TMEM255A: variants seen among roughly 807,000 people sequenced by gnomAD.
TMEM255A encodes the protein transmembrane protein 255A.
A neutral mutation model predicts 23.5 loss-of-function variants in TMEM255A; 14 were observed. That is an observed-to-expected ratio of 0.60 (90% confidence interval 0.39 to 0.93). The LOEUF (loss-of-function observed/expected upper bound fraction) is 0.93, where lower values mean the gene tolerates loss of function less well. Among genes scored for constraint, TMEM255A ranks in the 40% least tolerant of loss-of-function variants. TMEM255A has a pLI of 0.00. For synonymous variants in TMEM255A, 104 were observed against 100.3 expected (o/e 1.04, Z -0.22); for missense variants, 233 against 261.7 (o/e 0.89, Z 0.76).
Position 120,297,264 on chromosome X carries a change from T to C in TMEM255A, c.202-3213A>G, listed in dbSNP as rs1485838476. Among the ~76,000 whole-genome samples the C allele has an allele frequency of 1.2e-4, 11 of 90,097 alleles. No individual in the cohort carries two copies. The Admixed American group carries it at 1.7e-3, about 14-fold the overall frequency. The allele number at this position is 90,097 out of a possible 115,157, so 78.2% of individuals were successfully genotyped here. ...CTCTGTGCTTTGGTTTCATCATCTA[T>C]AAAATGGGAATCATAATAGAGCCTG... is the stretch of plus-strand genomic sequence containing the variant. On this transcript the variant is annotated intron_variant, in intron 2 of 8. Coordinates refer to ENST00000371369, the MANE Select transcript of TMEM255A (RefSeq NM_001104544.3).
rs782405270 is a variant in TMEM255A, at chrX:120,291,078, G to A, written c.354+173C>T. Among the ~76,000 whole-genome samples, 31 of 111,422 alleles carry A rather than the reference G, an allele frequency of 2.8e-4. No homozygotes were observed. The East Asian group carries it at 7.3e-3, about 26-fold the overall frequency. On this transcript the variant is annotated intron_variant, in intron 4 of 8. Coordinates refer to ENST00000371369, the MANE Select transcript of TMEM255A (RefSeq NM_001104544.3). ...TAGACCTCATTCTCTAGATGTCCGC[G>A]TGTCCATTGGTGTCTTCACCTTGAC...
At chrX:120,285,319 G>C (rs889653283) in intron 5 of TMEM255A, 104 bp from the exon 6 acceptor site, 9 of 757,711 alleles carry the variant, frequency 1.2e-5, no homozygotes, top group Non-Finnish European at 1.6e-5. Context: ...AGTAAGGATG[G>C]CTTTGAAATG....
At chrX:120,270,139 G>T (rs111663066) in intron 7 of TMEM255A, among the ~76,000 whole-genome samples, 1,480 of 111,334 alleles carry the variant, frequency 0.013, 30 homozygotes, top group African/African-American at 0.044. Context: ...AGAGAAGGAA[G>T]AAGAGGAAAT....
At chrX:120,272,099 A>T (rs1369524591) in intron 7 of TMEM255A, among the ~76,000 whole-genome samples, 1 of 111,999 alleles carries the variant, frequency 8.9e-6, no homozygotes, top group East Asian at 2.8e-4. Flanking sequence ...AGGGTGTGGG[A>T]TGCTGGGGGT....
At chrX:120,254,893 A>G (rs781817851), downstream of TMEM255A, 36 of 1,210,604 alleles carry the variant, frequency 3.0e-5, no homozygotes, top group Non-Finnish European at 2.8e-5. Flanking sequence ...GGAAGGGTCT[A>G]TTATATCTGT....
At chrX:120,300,501 C>G (rs1556025749) in intron 2 of TMEM255A, among the ~76,000 whole-genome samples, 1 of 108,636 alleles carries the variant, frequency 9.2e-6, no homozygotes, top group African/African-American at 3.4e-5. Flanking sequence ...GATCCTTCCA[C>G]CTTAGCCTCC....
chrX:120,262,368 C>G (rs1302130580), intron 8 of TMEM255A, among the ~76,000 whole-genome samples: 1 of 111,262 alleles, frequency 9.0e-6, no homozygotes, highest in Non-Finnish European at 1.9e-5. Context: ...TCTTCCTTAC[C>G]ACATAATGTT....
intron 8 of TMEM255A, among the ~76,000 whole-genome samples, chrX:120,263,824 G>A (rs782489522): frequency 1.5e-4 from 16 of 110,030 alleles, no homozygotes; most frequent in Non-Finnish European, 2.7e-4. Context: ...GTGGCGGGGG[G>A]AAGAAAAAGT....
chrX:120,262,587 C>T (rs137989658), intron 8 of TMEM255A, among the ~76,000 whole-genome samples: 491 of 111,624 alleles, frequency 4.4e-3, no homozygotes, highest in Non-Finnish European at 8.5e-3. Context: ...TTAAAAACAT[C>T]GGTATAGTGA....
intron 7 of TMEM255A, 31 bp downstream of exon 7, chrX:120,276,854 C>T: frequency 8.3e-7 from 1 of 1,197,962 alleles, no homozygotes; most frequent in East Asian, 3.0e-5. Context: ...ACAGGGGCCA[C>T]TGTGAAATGC....
intron 1 of TMEM255A, among the ~76,000 whole-genome samples, chrX:120,310,842 T>C (rs1556028177): frequency 9.5e-6 from 1 of 104,954 alleles, no homozygotes; most frequent in African/African-American, 3.5e-5. Context: ...CTTCTAATTG[T>C]CGTTAGTCGT....
intron 6 of TMEM255A, among the ~76,000 whole-genome samples, chrX:120,279,396 A>G (rs1167697937): frequency 8.9e-6 from 1 of 112,469 alleles, no homozygotes; most frequent in Non-Finnish European, 1.9e-5. Context: ...CTGGCATTGT[A>G]CTAGGCCCTG....
At position 120,273,371 on chromosome X, in the gene TMEM255A, G is replaced by A. The variant is rs2057775163; in HGVS notation, c.675+3514C>T. The A allele has an allele frequency of 1.6e-5, 5 of 315,944 alleles. No homozygotes were observed. The South Asian group carries it at 2.3e-4, about 15-fold the overall frequency. The allele number at this position is 315,944 out of a possible 1,213,427, so 26.0% of individuals were successfully genotyped here. A position where few individuals can be genotyped will look rare whatever the true frequency, so the allele number is the denominator to read the frequency against. On this transcript the variant is annotated intron_variant, in intron 7 of 8. Coordinates refer to ENST00000371369, the MANE Select transcript of TMEM255A (RefSeq NM_001104544.3). The stretch of plus-strand genomic sequence containing the variant: ...TGTTTTCATTAGCCATTCTCAAGAT[G>A]AAACACAAGAAATGTTAGAAGAAGC...
intron 6 of TMEM255A, among the ~76,000 whole-genome samples, chrX:120,279,116 G>A (rs2057819753): frequency 8.9e-6 from 1 of 111,867 alleles, no homozygotes; most frequent in Non-Finnish European, 1.9e-5. Context: ...GTTTTTAATA[G>A]TAAGCTTCCG....
At chrX:120,296,929 T>G (rs1473459582) in intron 2 of TMEM255A, among the ~76,000 whole-genome samples, 292 of 946 alleles carry the variant, frequency 0.31, 73 homozygotes, top group African/African-American at 0.4. Context: ...TATATAATAT[T>G]ATATATATAA....
At chrX:120,306,375 C>T (rs952578763) in intron 1 of TMEM255A, among the ~76,000 whole-genome samples, 1 of 111,723 alleles carries the variant, frequency 9.0e-6, no homozygotes, top group Admixed American at 9.4e-5. Flanking sequence ...TTTTGAGGGA[C>T]CCTAAATTAG....
At chrX:120,309,365 C>T (rs1303805942) in intron 1 of TMEM255A, among the ~76,000 whole-genome samples, 1 of 113,090 alleles carries the variant, frequency 8.8e-6, no homozygotes, top group Non-Finnish European at 1.9e-5. Flanking sequence ...CGCTGAGGGC[C>T]CCTGGGAGCC....
chrX:120,296,891 T>TAA (rs2057980572), intron 2 of TMEM255A, among the ~76,000 whole-genome samples: 1 of 10,811 alleles, frequency 9.2e-5, no homozygotes, highest in African/African-American at 9.1e-4. Context: ...ATATTATATA[T>TAA]GATATATATA....
chrX:120,252,371 GTTTT>G, the TMEM255A span, among the ~76,000 whole-genome samples: 5 of 110,196 alleles, frequency 4.5e-5, no homozygotes, highest in South Asian at 1.9e-3. Flanking sequence ...TAATATATGG[GTTTT>G]TTTAAACTCT....
Sources: allele counts gnomAD v4.1 joint callset (sites outside exome capture counted in the v4.1 genomes callset), GRCh38; gene constraint gnomAD v4.1.1; transcripts MANE v1.5; gene names NCBI Gene and HGNC (gene_info 2026-07-23, HGNC 2026-07-21).